Variants in RASGEF1C observed in about 807,000 individuals in gnomAD.
RASGEF1C encodes the protein ras-GEF domain-containing family member 1C.
Under a neutral mutation model 58.1 loss-of-function variants are expected in RASGEF1C, and 27 were observed. That is an observed-to-expected ratio of 0.46 (90% CI 0.34 to 0.64). The LOEUF is 0.64. RASGEF1C is among the 30% of genes least tolerant of loss of function. The pLI, the probability that RASGEF1C is intolerant of heterozygous loss-of-function variation, is 0.01. For missense variants in RASGEF1C, 502 were observed against 605.1 expected (o/e 0.83, Z 1.79); for synonymous variants, 243 against 246.3 (o/e 0.99, Z 0.13).
chr5:180,178,366 G>A (rs1168658367), intron 1 of RASGEF1C, among the ~76,000 whole-genome samples: 6 of 133,906 alleles, frequency 4.5e-5, no homozygotes, highest in African/African-American at 1.4e-4. Context: ...TGCAGCCTTT[G>A]CCTCCTGGAT....
At chr5:180,161,215 C>G (rs1766938658) in intron 1 of RASGEF1C, among the ~76,000 whole-genome samples, 1 of 152,226 alleles carries the variant, frequency 6.6e-6, no homozygotes, top group Non-Finnish European at 1.5e-5. Context: ...AAAAACATTT[C>G]CCAGATTTGG....
chr5:180,126,264 G>A (rs1254487600), intron 6 of RASGEF1C, among the ~76,000 whole-genome samples: 3 of 152,060 alleles, frequency 2.0e-5, no homozygotes, highest in Non-Finnish European at 4.4e-5. Flanking sequence ...AAAATTAGCC[G>A]GGTGTTGTGG....
chr5:180,130,301 A>G (rs1766344236), intron 4 of RASGEF1C, among the ~76,000 whole-genome samples: 2 of 152,192 alleles, frequency 1.3e-5, no homozygotes, highest in South Asian at 4.1e-4. Context: ...CAGGGGGCCC[A>G]TGGAAGGAAC....
chr5:180,154,250 A>T (rs1245857298), intron 1 of RASGEF1C, among the ~76,000 whole-genome samples: 1 of 151,596 alleles, frequency 6.6e-6, no homozygotes, highest in African/African-American at 2.4e-5. Context: ...GCTTGGGACT[A>T]CCTCTGCTGG....
intron 1 of RASGEF1C, among the ~76,000 whole-genome samples, chr5:180,195,574 C>T (rs1362521008): frequency 1.3e-5 from 2 of 152,038 alleles, no homozygotes. Context: ...GCCTGGCGAA[C>T]ATGGTGAAAC....
rs920699653 is a variant in RASGEF1C at position 180,168,938 on chromosome 5, C to A, written c.-6-30880G>T. Among the ~76,000 whole-genome samples, 1 of 152,056 alleles carries A rather than the reference C, an allele frequency of 6.6e-6. No homozygotes were observed. The highest frequency in any genetic ancestry group is 2.4e-5 in the African/African-American group (1 of 41,408). On this transcript the variant is annotated intron_variant, in intron 1 of 13. Transcript: ENST00000361132. This position sits in a 1 kb window ranked among gnomAD's most constrained non-coding sequence, Gnocchi z 6.0. ...GCCCTGAGTGCAGGCTTGGCTAGAG[C>A]GGGGGAAAAACGGCAAACCTACTTC...
At chr5:180,190,447 G>T (rs78106226) in intron 1 of RASGEF1C, among the ~76,000 whole-genome samples, 1 of 113,446 alleles carries the variant, frequency 8.8e-6, no homozygotes, top group African/African-American at 2.9e-5. Context: ...CTGAGATCGC[G>T]CCACTGCACT....
chr5:180,133,059 C>T (rs1766397671), intron 4 of RASGEF1C, among the ~76,000 whole-genome samples: 1 of 151,962 alleles, frequency 6.6e-6, no homozygotes, highest in Non-Finnish European at 1.5e-5. Context: ...GTGGGTATGG[C>T]CAGAGCACTG....
chr5:180,114,170 C>A (rs940359492), intron 11 of RASGEF1C, among the ~76,000 whole-genome samples: 4 of 152,218 alleles, frequency 2.6e-5, no homozygotes, highest in Non-Finnish European at 5.9e-5. Context: ...CTGCCTTTCT[C>A]GCCAGCCTGG....
intron 4 of RASGEF1C, among the ~76,000 whole-genome samples, chr5:180,131,871 A>C (rs1165674115): frequency 1.3e-5 from 2 of 152,190 alleles, no homozygotes; most frequent in Admixed American, 1.3e-4. Context: ...CCAAATAATC[A>C]TCCTTTCCTG....
chr5:180,111,698 G>T, intron 11 of RASGEF1C, 118 bp from the exon 12 acceptor site: 1 of 1,085,200 alleles, frequency 9.2e-7, no homozygotes, highest in South Asian at 1.4e-5. Flanking sequence ...AGGGCTCTGA[G>T]GAGGAGCAGG....
chr5:180,182,924 C>A (rs1755932612), intron 1 of RASGEF1C, among the ~76,000 whole-genome samples: 1 of 152,198 alleles, frequency 6.6e-6, no homozygotes, highest in South Asian at 2.1e-4. Context: ...CCCATACAAT[C>A]CCCTCTCCTC....
chr5:180,115,341 G>C, intron 10 of RASGEF1C: 2 of 422,560 alleles, frequency 4.7e-6, no homozygotes, highest in Non-Finnish European at 9.2e-6. Context: ...CTTTCTTGAT[G>C]CTAAGATCTG....
chr5:180,194,013 T>TTTGTTTGC (rs1756217620), intron 1 of RASGEF1C, among the ~76,000 whole-genome samples: 1 of 150,682 alleles, frequency 6.6e-6, no homozygotes, highest in Admixed American at 6.6e-5. Flanking sequence ...TGTTTGTTTG[T>TTTGTTTGC]TTGTTTGTTT....
Position 180,177,232 on chromosome 5 carries a change from C to T in RASGEF1C, c.-7+31796G>A, listed in dbSNP as rs1430137571. On this transcript the variant is annotated intron_variant, in intron 1 of 13. Coordinates refer to ENST00000361132, the MANE Select transcript of RASGEF1C (RefSeq NM_175062.4). This position sits in a 1 kb window ranked among gnomAD's most constrained non-coding sequence, Gnocchi z 5.0. Reference sequence around the variant, plus strand: ...AGAGGATGCATTCAAACCATGTGCACATCAGCCCCTCAGCCCCGAAGCCAG... The same window carrying T: ...AGAGGATGCATTCAAACCATGTGCATATCAGCCCCTCAGCCCCGAAGCCAG... Among the ~76,000 whole-genome samples the T allele has an allele frequency of 6.6e-6, 1 of 152,212 alleles. No individual in the cohort carries two copies. Among genetic ancestry groups the T allele is most frequent in the East Asian group, 1.9e-4 (1 of 5,198 alleles).
chr5:180,135,045 AC>A (rs59125244), intron 4 of RASGEF1C, among the ~76,000 whole-genome samples: 5 of 117,272 alleles, frequency 4.3e-5, no homozygotes, highest in African/African-American at 6.9e-5. Context: ...CGCTGTCCCC[AC>A]CCCCCCCGTC....
chr5:180,205,189 AAAATAAATAAAT>A (rs925444129), intron 1 of RASGEF1C, among the ~76,000 whole-genome samples: 3 of 152,170 alleles, frequency 2.0e-5, no homozygotes, highest in Non-Finnish European at 4.4e-5. Context: ...ACTCCGTCTC[AAAATAAATAAAT>A]AAATAAATAA....
rs979740885 is a variant in RASGEF1C, at chr5:180,137,554, A to C, written c.300+36T>G. On this transcript the variant is annotated intron_variant, in intron 3 of 13. Transcript: ENST00000361132. The surrounding 1 kb of genome is among the most constrained non-coding windows in gnomAD (Gnocchi z 4.1). ...GAGGGCATGGCAGGGCAGTGCTGGT[A>C]CACTCTGAGACCCCCTGGCCTGCCC... The C allele has an allele frequency of 1.3e-5, 20 of 1,595,346 alleles. No individual in the cohort carries two copies. Among genetic ancestry groups the C allele is most frequent in the Non-Finnish European group, 1.7e-5 (20 of 1,173,032 alleles).
chr5:180,205,750 C>G (rs1756476124), intron 1 of RASGEF1C, among the ~76,000 whole-genome samples: 1 of 149,098 alleles, frequency 6.7e-6, no homozygotes, highest in South Asian at 2.1e-4. Context: ...TATTTTGAGA[C>G]AGAGTCTCAC....
Sources: allele counts gnomAD v4.1 joint callset (sites outside exome capture counted in the v4.1 genomes callset), GRCh38; gene constraint gnomAD v4.1.1; non-coding constraint Gnocchi (gnomAD v3.1); transcripts MANE v1.5; gene names NCBI Gene and HGNC (gene_info 2026-07-23, HGNC 2026-07-21).